Variants in ACP6 observed in about 807,000 individuals in gnomAD.
ACP6 encodes the protein lysophosphatidic acid phosphatase type 6.
Under a neutral mutation model 48.1 loss-of-function variants are expected in ACP6, and 48 were observed. That is an observed-to-expected ratio of 1.00 (90% CI 0.79 to 1.27). The LOEUF is 1.27. Among genes scored for constraint, ACP6 ranks in the 50% most tolerant of loss-of-function variants. The pLI, the probability that ACP6 is intolerant of heterozygous loss-of-function variation, is 0.00. For missense variants in ACP6, 485 were observed against 529.1 expected, an observed-to-expected ratio of 0.92 and a Z score of 0.82; for synonymous variants, 172 against 204.2, an observed-to-expected ratio of 0.84 and a Z score of 1.34.
chr1:147,651,292 A>G (rs1202587204), intron 7 of ACP6: 2 of 152,244 alleles, frequency 1.3e-5, no homozygotes, highest in East Asian at 1.9e-4. Context: ...GGAATAGACA[A>G]GGTCCTGTTT....
Position 147,647,146 on chromosome 1 carries a change from T to C in ACP6, c.*277A>G, listed in dbSNP as rs1338327237. On this transcript the variant is annotated 3_prime_UTR_variant, in exon 10 of 10. Coordinates refer to ENST00000583509, the MANE Select transcript of ACP6 (RefSeq NM_016361.5). The stretch of plus-strand genomic sequence containing the variant: ...GAACTAAAGTCCAAAACCGACACAA[T>C]TCTACAGGGTCATGATGTCCCCAGC... 1 of 346,612 alleles carries C rather than the reference T, an allele frequency of 2.9e-6. No individual in the cohort carries two copies. The highest frequency in any genetic ancestry group is 5.3e-6 in the Non-Finnish European group (1 of 187,624). 21.5% of individuals were successfully genotyped at this position (346,612 alleles called of 1,614,324 possible).
At chr1:147,660,227 T>C (rs1250367722) in intron 1 of ACP6, among the ~76,000 whole-genome samples, 1 of 152,208 alleles carries the variant, frequency 6.6e-6, no homozygotes, top group Non-Finnish European at 1.5e-5. Flanking sequence ...ACTAATATAC[T>C]TTTTTCCTCC....
rs587678756 is a variant in ACP6, at chr1:147,650,007, A to C, written c.977+136T>G. On this transcript the variant is annotated intron_variant, in intron 8 of 9. Coordinates refer to ENST00000583509, the MANE Select transcript of ACP6 (RefSeq NM_016361.5). ...TTAAAAGATTGTGAACCTCTTTGACACTTGAGGCCTGTTAAACATCTACCT... is the reference window on the plus strand; with the variant it reads ...TTAAAAGATTGTGAACCTCTTTGACCCTTGAGGCCTGTTAAACATCTACCT... 1.5e-5 allele frequency: 10 copies of C among 654,784 alleles called. No homozygotes were observed. In the South Asian group the frequency reaches 1.9e-4, roughly 13 times the overall value. 40.6% of individuals were successfully genotyped at this position (654,784 alleles called of 1,614,324 possible). A position where few individuals can be genotyped will look rare whatever the true frequency, so the allele number is the denominator to read the frequency against.
intron 5 of ACP6, among the ~76,000 whole-genome samples, chr1:147,631,674 C>T (rs1659167090): frequency 6.6e-6 from 1 of 152,014 alleles, no homozygotes; most frequent in Admixed American, 6.5e-5. Flanking sequence ...ATTAGCGGGG[C>T]TTGGTGGCAC....
chr1:147,641,028 C>G (rs1173330674), downstream of ACP6, among the ~76,000 whole-genome samples: 2 of 152,178 alleles, frequency 1.3e-5, no homozygotes, highest in African/African-American at 4.8e-5. Context: ...AGGACACGCT[C>G]TAGCCCAAAG....
intron 1 of ACP6, among the ~76,000 whole-genome samples, chr1:147,667,922 G>A (rs1660882580): frequency 3.3e-5 from 5 of 151,948 alleles, no homozygotes; most frequent in Admixed American, 2.0e-4. Flanking sequence ...CCCGAGAGGC[G>A]GAGGTTGCGG....
chr1:147,650,194 T>C lies in ACP6; in HGVS notation c.926A>G (p.Glu309Gly), dbSNP rs187384544. 1.3e-4 allele frequency: 203 copies of C among 1,606,504 alleles called. 1 individual carries two copies. In the East Asian group the frequency reaches 4.5e-3, roughly 36 times the overall value. The change falls in exon 8 of 10, where the codon GAG becomes GGG. Residue 309 changes from glutamate (E) to glycine (G), a missense_variant. Transcript: ENST00000583509. ...GTCCATGGCTTTCAGCAGGTTGCTC[T>C]CTAGGATGTGGAGGAATGGGCCTAC... ...MAVGPFLHIL[E>G]SNLLKAMDSA...
intron 1 of ACP6, among the ~76,000 whole-genome samples, chr1:147,660,820 A>C (rs587742647): frequency 6.6e-6 from 1 of 152,210 alleles, no homozygotes; most frequent in African/African-American, 2.4e-5. Flanking sequence ...TGATGTTTTC[A>C]TATATATTTA....
chr1:147,664,594 T>G (rs1201162922), intron 1 of ACP6, among the ~76,000 whole-genome samples: 2 of 152,168 alleles, frequency 1.3e-5, no homozygotes, highest in Non-Finnish European at 2.9e-5. Context: ...GAACAGAGAC[T>G]CGGTCATCTA....
At chr1:147,634,915 A>G (rs1337601808) in intron 5 of ACP6, among the ~76,000 whole-genome samples, 1 of 152,240 alleles carries the variant, frequency 6.6e-6, no homozygotes, top group Non-Finnish European at 1.5e-5. Context: ...AAAATATTTT[A>G]TCAAATTTCC....
chr1:147,634,601 A>T (rs1366596221), intron 5 of ACP6, among the ~76,000 whole-genome samples: 1 of 152,214 alleles, frequency 6.6e-6, no homozygotes, highest in East Asian at 1.9e-4. Context: ...TTAGAGTGAC[A>T]TCAATTCAGA....
chr1:147,647,752 C>A, intron 9 of ACP6, 186 bp from the exon 10 acceptor site: 1 of 781,162 alleles, frequency 1.3e-6, no homozygotes, highest in Non-Finnish European at 2.0e-6. Flanking sequence ...TTGTAAAAGT[C>A]ACTCAAAAAG....
intron 4 of ACP6, among the ~76,000 whole-genome samples, chr1:147,655,523 A>G (rs1384247648): frequency 1.3e-5 from 2 of 152,248 alleles, no homozygotes; most frequent in Non-Finnish European, 2.9e-5. Context: ...AGACTAGAGC[A>G]GGTAATAGAC....
At position 147,654,323 on chromosome 1, in the gene ACP6, G is replaced by A. The variant is rs1557884638; in HGVS notation, c.651C>T (p.Gly217=). ...SCWSLRQRTR[G]RRQTASLQPG... is the part of the protein sequence containing the mutation. ...GCTGTAAAGAGGCAGTCTGCCTCCG[G>A]CCTCTGACAAAAAATAAAAAGTAAA... Residue 217 remains glycine, a synonymous_variant, in exon 6 of 10, where the codon GGC becomes GGT. Transcript: ENST00000583509. 1 of 1,613,900 alleles carries A rather than the reference G, an allele frequency of 6.2e-7. No individual in the cohort carries two copies.
At chr1:147,665,332 A>G (rs1362886805) in intron 1 of ACP6, among the ~76,000 whole-genome samples, 1 of 152,210 alleles carries the variant, frequency 6.6e-6, no homozygotes, top group African/African-American at 2.4e-5. Flanking sequence ...TTAACAATAG[A>G]GGAGGTAGAT....
rs1661042331 is a variant in ACP6, at chr1:147,670,424, C to T, written c.-376G>A. 5.9e-6 allele frequency: 1 copy of T among 170,304 alleles called. No individual in the cohort carries two copies. The highest frequency in any genetic ancestry group is 1.6e-4 in the East Asian group (1 of 6,150). The allele number at this position is 170,304 out of a possible 1,614,324, so 10.5% of individuals were successfully genotyped here. A position where few individuals can be genotyped will look rare whatever the true frequency, so the allele number is the denominator to read the frequency against. On this transcript the variant is annotated 5_prime_UTR_variant, in exon 1 of 10. Coordinates refer to ENST00000583509, the MANE Select transcript of ACP6 (RefSeq NM_016361.5). ...AGGAACAGGAGCCGGCCCTGAGTTC[C>T]CTGGCGGCAGCGGCTCCACCAGCAA...
Position 147,643,033 on chromosome 1 carries a change from T to C in ACP6, c.*4390A>G, listed in dbSNP as rs192984227. 6.6e-6 allele frequency: 1 copy of C among 152,210 alleles called. No homozygotes were observed. The highest frequency in any genetic ancestry group is 1.5e-5 in the Non-Finnish European group (1 of 68,056). The allele number at this position is 152,210 out of a possible 1,614,324, so 9.4% of individuals were successfully genotyped here. On this transcript the variant is annotated 3_prime_UTR_variant, in exon 10 of 10. Transcript: ENST00000583509. ...TGCAGATAGTCATCTTCCCTCTGTGTCTGTGTCCTCATTTCCTCTTCTTAT... is the reference window on the plus strand; with the variant it reads ...TGCAGATAGTCATCTTCCCTCTGTGCCTGTGTCCTCATTTCCTCTTCTTAT...
chr1:147,664,635 C>T (rs1660710422), intron 1 of ACP6, among the ~76,000 whole-genome samples: 1 of 152,198 alleles, frequency 6.6e-6, no homozygotes, highest in South Asian at 2.1e-4. Context: ...AAGGGCCTCA[C>T]ACACAGTAGG....
Position 147,654,242 on chromosome 1 carries a change from A to T in ACP6, c.732T>A (p.Ser244Arg). The T allele has an allele frequency of 6.2e-7, 1 of 1,614,120 alleles. No individual in the cohort carries two copies. The highest frequency in any genetic ancestry group is 2.2e-5 in the East Asian group (1 of 44,874). The change falls in exon 6 of 10, where the codon AGT (serine) becomes AGA (arginine). Residue 244 changes from serine (S) to arginine (R), a missense_variant. Transcript: ENST00000583509. ...KVKDRMGIDS[S>R]DKVDFFILLD... is the part of the protein sequence containing the mutation. ...GGAGGATGAAGAAGTCCACTTTATC[A>T]CTACTGTCAATGCCCATCCTGTCCT...
Sources: allele counts gnomAD v4.1 joint callset (sites outside exome capture counted in the v4.1 genomes callset), GRCh38; gene constraint gnomAD v4.1.1; transcripts MANE v1.5; gene names NCBI Gene and HGNC (gene_info 2026-07-23, HGNC 2026-07-21).